The following SLC25A21 variants were observed in gnomAD, a reference collection of about 807,000 sequenced individuals.
The protein encoded by SLC25A21 is mitochondrial 2-oxodicarboxylate carrier.
A neutral mutation model predicts 43.8 loss-of-function variants in SLC25A21; 47 were observed. The observed-to-expected ratio is 1.07, with a 90% CI of 0.85 to 1.37. SLC25A21 has a LOEUF of 1.37. SLC25A21 is among the 40% of genes most tolerant of loss of function. The pLI is 0.00. For synonymous variants in SLC25A21, 131 were observed against 121.3 expected (o/e 1.08, Z -0.52); for missense variants, 352 against 350.2 (o/e 1.00, Z -0.04).
chr14:37,100,222 C>A (rs1046953379), intron 1 of SLC25A21, among the ~76,000 whole-genome samples: 2 of 152,034 alleles, frequency 1.3e-5, no homozygotes, highest in African/African-American at 4.8e-5. Context: ...TCACACCCAG[C>A]TAATTTTTGT....
chr14:37,132,441 A>C (rs1413455388), intron 1 of SLC25A21, among the ~76,000 whole-genome samples: 1 of 152,186 alleles, frequency 6.6e-6, no homozygotes, highest in Non-Finnish European at 1.5e-5. Flanking sequence ...GTGTGTCTGA[A>C]AAAACAGGCC....
At chr14:36,884,152 C>T (rs1244852181) in intron 1 of SLC25A21, among the ~76,000 whole-genome samples, 20 of 152,172 alleles carry the variant, frequency 1.3e-4, no homozygotes, top group Admixed American at 1.3e-3. Flanking sequence ...ACTCTTCTCT[C>T]CCAGCCTCTG....
intron 3 of SLC25A21, among the ~76,000 whole-genome samples, chr14:36,792,160 G>A (rs1673633012): frequency 6.6e-6 from 1 of 152,108 alleles, no homozygotes; most frequent in African/African-American, 2.4e-5. Context: ...AGAACTGTAT[G>A]ATTAGAGGAC....
intron 3 of SLC25A21, among the ~76,000 whole-genome samples, chr14:36,787,628 A>G (rs1414061458): frequency 1.3e-5 from 2 of 152,220 alleles, no homozygotes; most frequent in Non-Finnish European, 2.9e-5. Context: ...AACTGTATAA[A>G]TGTTAATAAA....
chr14:36,769,112 G>C (rs1435261286), intron 3 of SLC25A21, among the ~76,000 whole-genome samples: 1 of 152,190 alleles, frequency 6.6e-6, no homozygotes, highest in African/African-American at 2.4e-5. Flanking sequence ...TGCTGCAGCT[G>C]TGGATAAGGG....
intron 1 of SLC25A21, among the ~76,000 whole-genome samples, chr14:37,171,669 T>G (rs1343029159): frequency 6.6e-6 from 1 of 152,194 alleles, no homozygotes; most frequent in South Asian, 2.1e-4. Context: ...TTACAACATT[T>G]TTTTCTAAAG....
At chr14:36,902,765 G>T (rs1891429611) in intron 1 of SLC25A21, among the ~76,000 whole-genome samples, 1 of 152,064 alleles carries the variant, frequency 6.6e-6, no homozygotes, top group Non-Finnish European at 1.5e-5. Flanking sequence ...TAGCGGCCAA[G>T]GTGGGACAAT....
At chr14:36,691,647 A>C (rs1310595567) in intron 7 of SLC25A21, among the ~76,000 whole-genome samples, 1 of 152,228 alleles carries the variant, frequency 6.6e-6, no homozygotes, top group Non-Finnish European at 1.5e-5. Context: ...TGAAGCCAGG[A>C]GTTTGAGACC....
chr14:36,712,510 G>C (rs191658236), intron 6 of SLC25A21, among the ~76,000 whole-genome samples: 7 of 152,268 alleles, frequency 4.6e-5, no homozygotes, highest in Admixed American at 1.3e-4. Context: ...GAATAGAATA[G>C]AACAAATCCC....
intron 3 of SLC25A21, among the ~76,000 whole-genome samples, chr14:36,756,710 CAAAT>C (rs1343443724): frequency 2.0e-5 from 3 of 152,096 alleles, no homozygotes; most frequent in Non-Finnish European, 1.5e-5. Context: ...ACAAATGAGT[CAAAT>C]AAAACCATTA....
intron 3 of SLC25A21, among the ~76,000 whole-genome samples, chr14:36,758,102 G>A (rs192974240): frequency 1.6e-3 from 240 of 152,326 alleles, no homozygotes; most frequent in African/African-American, 4.0e-3. Context: ...AAAGCACACC[G>A]CAGCCACTCA....
At chr14:36,761,148 C>T (rs542421948) in intron 3 of SLC25A21, among the ~76,000 whole-genome samples, 4 of 152,266 alleles carry the variant, frequency 2.6e-5, no homozygotes, top group South Asian at 2.1e-4. Context: ...AAAGGTTATC[C>T]GTGCCACATC....
chr14:36,740,950 T>TA (rs1885229924), intron 3 of SLC25A21, among the ~76,000 whole-genome samples: 1 of 152,104 alleles, frequency 6.6e-6, no homozygotes, highest in African/African-American at 2.4e-5. Context: ...TTTGAACGAC[T>TA]AAAAAAAGTT....
At chr14:37,066,667 C>A (rs1326572604) in intron 1 of SLC25A21, among the ~76,000 whole-genome samples, 1 of 151,892 alleles carries the variant, frequency 6.6e-6, no homozygotes, top group Non-Finnish European at 1.5e-5. Flanking sequence ...TAAAAAAGTA[C>A]ACATATAAAT....
intron 3 of SLC25A21, among the ~76,000 whole-genome samples, chr14:36,756,766 A>G (rs1885948137): frequency 6.6e-6 from 1 of 152,220 alleles, no homozygotes; most frequent in South Asian, 2.1e-4. Flanking sequence ...ACATTTCCAA[A>G]TGTTTCATCA....
intron 7 of SLC25A21, among the ~76,000 whole-genome samples, chr14:36,687,651 T>C (rs1443347138): frequency 6.6e-6 from 1 of 152,194 alleles, no homozygotes; most frequent in Non-Finnish European, 1.5e-5. Context: ...CATCCCAGGC[T>C]GGGCCTGTGT....
chr14:36,846,087 T>C (rs1368865946), intron 2 of SLC25A21, among the ~76,000 whole-genome samples: 18 of 152,132 alleles, frequency 1.2e-4, no homozygotes, highest in Admixed American at 1.2e-3. Context: ...CAGTGAAGAG[T>C]GACTGATAGT....
intron 2 of SLC25A21, among the ~76,000 whole-genome samples, chr14:36,862,596 C>T (rs1236694241): frequency 4.6e-5 from 7 of 151,268 alleles, no homozygotes; most frequent in African/African-American, 1.7e-4. Context: ...ACAACACACA[C>T]TGGGGCCTTT....
intron 1 of SLC25A21, among the ~76,000 whole-genome samples, chr14:37,002,006 A>G (rs1463046046): frequency 6.6e-6 from 1 of 152,178 alleles, no homozygotes; most frequent in Non-Finnish European, 1.5e-5. Context: ...ATAAAATATT[A>G]AATATTTCAT....
Sources: gnomAD v4.1 joint callset for allele counts (sites outside exome capture counted in the v4.1 genomes callset) on GRCh38, gnomAD v4.1.1 for gene constraint, MANE v1.5 for transcripts, NCBI Gene and HGNC (gene_info 2026-07-23, HGNC 2026-07-21) for gene names.